NKAIN3: variants seen among roughly 807,000 people sequenced by gnomAD.
The protein encoded by NKAIN3 is sodium/potassium transporting ATPase interacting 3, also known as sodium/potassium-transporting ATPase subunit beta-1-interacting protein 3.
In NKAIN3, 25 loss-of-function variants were observed where a neutral mutation model predicts 30.2. That is an observed-to-expected ratio of 0.83 (90% confidence interval 0.60 to 1.16). The LOEUF (loss-of-function observed/expected upper bound fraction) is 1.16. Among genes scored for constraint, NKAIN3 ranks in the 50% most tolerant of loss-of-function variants. The probability of loss-of-function intolerance (pLI) is 0.00; values close to 1 mark genes in which losing one functional copy is unlikely to be tolerated. For synonymous variants in NKAIN3, 91 were observed against 89.6 expected (o/e 1.02, Z -0.09); for missense variants, 225 against 254.1 (o/e 0.89, Z 0.78).
chr8:62,828,219 TA>T (rs1301933551), intron 4 of NKAIN3, among the ~76,000 whole-genome samples: 2 of 152,164 alleles, frequency 1.3e-5, no homozygotes, highest in Non-Finnish European at 2.9e-5. Context: ...TATTGTTACA[TA>T]AAATTAATCA....
intron 1 of NKAIN3, among the ~76,000 whole-genome samples, chr8:62,389,261 A>T (rs185484852): frequency 6.6e-6 from 1 of 152,332 alleles, no homozygotes; most frequent in South Asian, 2.1e-4. Context: ...CAATACATGT[A>T]TACATGGTGG....
intron 4 of NKAIN3, among the ~76,000 whole-genome samples, chr8:62,876,919 C>T (rs1049523768): frequency 2.0e-5 from 3 of 151,830 alleles, no homozygotes; most frequent in African/African-American, 7.3e-5. Context: ...CACATGTATC[C>T]CGTGTTTGTT....
At chr8:62,332,434 CT>C (rs1379223279) in intron 1 of NKAIN3, among the ~76,000 whole-genome samples, 20 of 152,060 alleles carry the variant, frequency 1.3e-4, no homozygotes, top group African/African-American at 4.8e-4. Context: ...AATTTGTAAT[CT>C]GGTGTTACTT....
chr8:62,909,334 C>G (rs768193108), intron 4 of NKAIN3, among the ~76,000 whole-genome samples: 6 of 152,094 alleles, frequency 3.9e-5, no homozygotes, highest in Non-Finnish European at 8.8e-5. Flanking sequence ...TGTATGCTAT[C>G]AGAATTTACA....
In NKAIN3 at chr8:62,605,419, G is replaced by A. The variant is rs1032131343; in HGVS notation, c.273+15625G>A. On this transcript the variant is annotated intron_variant, in intron 3 of 6. Coordinates refer to ENST00000623646, the MANE Select transcript of NKAIN3 (RefSeq NM_001304533.3). ...GGTCTGAAATATGCAACTGAAAACC[G>A]TGCCTATATCATTCTATAGTCTATT... Among the ~76,000 whole-genome samples the A allele has an allele frequency of 1.6e-4, 25 of 151,770 alleles. No individual in the cohort carries two copies. In the South Asian group the frequency reaches 1.9e-3, roughly 11 times the overall value.
intron 1 of NKAIN3, among the ~76,000 whole-genome samples, chr8:62,503,004 G>C (rs1807509375): frequency 6.6e-6 from 1 of 152,198 alleles, no homozygotes; most frequent in Non-Finnish European, 1.5e-5. Context: ...TCCATGACGT[G>C]TTGGGAACCT....
At chr8:62,590,913 A>G (rs1426801078) in intron 3 of NKAIN3, among the ~76,000 whole-genome samples, 1 of 151,934 alleles carries the variant, frequency 6.6e-6, no homozygotes, top group Non-Finnish European at 1.5e-5. Flanking sequence ...TGAGTTCAGT[A>G]TATTTGGACT....
At chr8:62,320,961 C>G (rs185185999) in intron 1 of NKAIN3, among the ~76,000 whole-genome samples, 33 of 152,354 alleles carry the variant, frequency 2.2e-4, no homozygotes, top group African/African-American at 6.5e-4. Flanking sequence ...CTGTCACTTT[C>G]AGGTACACCA....
intron 4 of NKAIN3, among the ~76,000 whole-genome samples, chr8:62,750,568 C>CCGCG (rs1816243574): frequency 6.6e-6 from 1 of 152,138 alleles, no homozygotes; most frequent in South Asian, 2.1e-4. Context: ...CCAGCTTCTG[C>CCGCG]CGGCGCCTCT....
At chr8:62,494,429 T>C (rs1807170587) in intron 1 of NKAIN3, among the ~76,000 whole-genome samples, 1 of 151,954 alleles carries the variant, frequency 6.6e-6, no homozygotes, top group Admixed American at 6.6e-5. Flanking sequence ...CTGCAAATAT[T>C]TTGAGGATTT....
intron 1 of NKAIN3, among the ~76,000 whole-genome samples, chr8:62,363,229 C>G (rs1426294824): frequency 6.6e-6 from 1 of 152,174 alleles, no homozygotes; most frequent in Non-Finnish European, 1.5e-5. Context: ...TGTTACCCTT[C>G]GTTTGCCTTT....
intron 3 of NKAIN3, among the ~76,000 whole-genome samples, chr8:62,611,320 A>T (rs530782758): frequency 6.6e-6 from 1 of 152,220 alleles, no homozygotes; most frequent in South Asian, 2.1e-4. Flanking sequence ...AAAAAAATCC[A>T]ATTACATTCT....
intron 1 of NKAIN3, among the ~76,000 whole-genome samples, chr8:62,486,079 G>A (rs1317376333): frequency 6.6e-6 from 1 of 152,140 alleles, no homozygotes; most frequent in Non-Finnish European, 1.5e-5. Context: ...AGTCAAAACT[G>A]TGAGAGAGAA....
At chr8:62,478,069 T>G (rs72651524) in intron 1 of NKAIN3, among the ~76,000 whole-genome samples, 14,581 of 152,170 alleles carry the variant, frequency 0.096, 948 homozygotes, top group Non-Finnish European at 0.13. Flanking sequence ...CCTAATAACT[T>G]CCCAAATCCT....
At chr8:62,673,342 C>T (rs1813369928) in intron 3 of NKAIN3, among the ~76,000 whole-genome samples, 1 of 152,068 alleles carries the variant, frequency 6.6e-6, no homozygotes, top group South Asian at 2.1e-4. Flanking sequence ...AAACAAGTCC[C>T]TATAAAGCAG....
intron 3 of NKAIN3, among the ~76,000 whole-genome samples, chr8:62,690,898 A>T (rs1011179759): frequency 1.3e-5 from 2 of 152,196 alleles, no homozygotes; most frequent in Admixed American, 1.3e-4. Flanking sequence ...GACACTGCGG[A>T]TGGTAACTTC....
At chr8:62,852,349 T>C (rs1326487002) in intron 4 of NKAIN3, among the ~76,000 whole-genome samples, 2 of 152,174 alleles carry the variant, frequency 1.3e-5, no homozygotes, top group African/African-American at 4.8e-5. Flanking sequence ...CTCTCTTTTC[T>C]TCTTTATTAG....
chr8:62,829,014 C>A (rs1819112922), intron 4 of NKAIN3, among the ~76,000 whole-genome samples: 1 of 152,100 alleles, frequency 6.6e-6, no homozygotes, highest in African/African-American at 2.4e-5. Context: ...CAAAATAAAT[C>A]ACTGGGGTTG....
intron 1 of NKAIN3, among the ~76,000 whole-genome samples, chr8:62,487,037 A>G (rs1806924400): frequency 6.6e-6 from 1 of 152,150 alleles, no homozygotes; most frequent in South Asian, 2.1e-4. Context: ...CTTTCTTTCA[A>G]TGGGGCCATG....
Sources: allele counts gnomAD v4.1 joint callset (sites outside exome capture counted in the v4.1 genomes callset), GRCh38; gene constraint gnomAD v4.1.1; transcripts MANE v1.5; gene names NCBI Gene and HGNC (gene_info 2026-07-23, HGNC 2026-07-21).